PHF2: variants seen among roughly 807,000 people sequenced by gnomAD.
PHF2 encodes PHD finger protein 2, also known as lysine-specific demethylase PHF2.
PHF2 carries 27 observed loss-of-function variants against 120.5 expected under a neutral mutation model. The observed-to-expected ratio is 0.22, with a 90% CI of 0.17 to 0.31. The LOEUF is 0.31. Ranked by LOEUF, PHF2 falls within the 10% of genes least tolerant of loss-of-function variation. PHF2 has a pLI of 1.00. For missense variants in PHF2, 1,024 were observed against 1,434.8 expected (o/e 0.71, Z 4.63); for synonymous variants, 568 against 592.5 (o/e 0.96, Z 0.60).
intron 6 of PHF2, among the ~76,000 whole-genome samples, chr9:93,653,834 A>G (rs1297669171): frequency 6.6e-6 from 1 of 152,154 alleles, no homozygotes; most frequent in Non-Finnish European, 1.5e-5. Flanking sequence ...AGGAAACCCT[A>G]AGCTGTGGGC....
At chr9:93,662,329 TAATG>T (rs1445168481) in intron 12 of PHF2, among the ~76,000 whole-genome samples, 6 of 143,254 alleles carry the variant, frequency 4.2e-5, no homozygotes, top group Non-Finnish European at 7.6e-5. Context: ...GTGGATGAAT[TAATG>T]AATGAACAAA....
intron 3 of PHF2, among the ~76,000 whole-genome samples, chr9:93,637,791 A>G (rs73522271): frequency 0.021 from 3,197 of 152,146 alleles, 42 homozygotes; most frequent in Middle Eastern, 0.041. Flanking sequence ...ATATGCTTTT[A>G]TTGTTTTAGG....
intron 17 of PHF2, among the ~76,000 whole-genome samples, chr9:93,672,132 A>G (rs1311616868): frequency 6.1e-4 from 29 of 47,260 alleles, no homozygotes; most frequent in African/African-American, 9.6e-4. Context: ...GTGGGTGCGG[A>G]TGTAGGTACA....
chr9:93,608,402 T>G (rs1825580920), intron 1 of PHF2, among the ~76,000 whole-genome samples: 1 of 151,668 alleles, frequency 6.6e-6, no homozygotes, highest in Non-Finnish European at 1.5e-5. Context: ...TTGGTAGTTT[T>G]TTTTTTTTTT....
In PHF2 at chr9:93,675,026, G is replaced by A; in HGVS notation, c.2722+4G>A. On this transcript the variant is annotated splice_donor_region_variant and intron_variant, in intron 19 of 21. Coordinates refer to ENST00000359246, the MANE Select transcript of PHF2 (RefSeq NM_005392.4). The stretch of plus-strand genomic sequence containing the variant: ...GACGCTCCCTACAGCCCAACAGGTA[G>A]TGCTGGGACAGGGGTAGGGGGTCCA... 6.2e-7 allele frequency: 1 copy of A among 1,610,500 alleles called. No individual in the cohort carries two copies. The highest frequency in any genetic ancestry group is 8.5e-7 in the Non-Finnish European group (1 of 1,177,216).
At position 93,670,527 on chromosome 9, in the gene PHF2, G is replaced by T. The variant is rs184576574; in HGVS notation, c.2349-3058G>T. The stretch of plus-strand genomic sequence containing the variant: ...CCAGGTAGTTCTGGTGCACAGACAG[G>T]TGAGGGTCCTGGCTGCAGGGGGTTG... On this transcript the variant is annotated intron_variant, in intron 17 of 21. Coordinates refer to ENST00000359246, the MANE Select transcript of PHF2 (RefSeq NM_005392.4). Among the ~76,000 whole-genome samples, 344 of 152,348 alleles carry T rather than the reference G, an allele frequency of 2.3e-3. 1 individual carries two copies. Among genetic ancestry groups the T allele is most frequent in the African/African-American group, 7.8e-3 (326 of 41,570 alleles).
rs1826944276 is a variant in PHF2 at position 93,677,679 on chromosome 9, T to C, written c.*3T>C. On this transcript the variant is annotated 3_prime_UTR_variant, in exon 22 of 22. Transcript: ENST00000359246. This position sits in a 1 kb window ranked among gnomAD's most constrained non-coding sequence, Gnocchi z 4.4. ...GGAACGGGAAACTACTCCTTTAAGA[T>C]TTGGAAAGCCAGGATCCTTCTGCTC... The C allele has an allele frequency of 6.2e-7, 1 of 1,610,972 alleles. No individual in the cohort carries two copies. The highest frequency in any genetic ancestry group is 8.5e-7 in the Non-Finnish European group (1 of 1,177,534).
chr9:93,600,195 CAT>C (rs1825414257), intron 1 of PHF2, among the ~76,000 whole-genome samples: 2 of 148,346 alleles, frequency 1.3e-5, no homozygotes, highest in Admixed American at 1.4e-4. Flanking sequence ...AGCATATGTG[CAT>C]GTGTGTGTGG....
intron 10 of PHF2, 26 bp from the exon 11 acceptor site, chr9:93,659,485 T>C (rs751627896): frequency 1.9e-6 from 3 of 1,604,746 alleles, no homozygotes; most frequent in Non-Finnish European, 2.6e-6. Flanking sequence ...TGTCTGGTGC[T>C]GACCCTGGGT....
intron 1 of PHF2, among the ~76,000 whole-genome samples, chr9:93,592,078 C>T (rs908630526): frequency 1.3e-5 from 2 of 152,238 alleles, no homozygotes; most frequent in Admixed American, 6.5e-5. Flanking sequence ...TAACCAGGGA[C>T]ACCTTGGTCC....
intron 3 of PHF2, among the ~76,000 whole-genome samples, chr9:93,643,644 G>A (rs957943108): frequency 6.6e-6 from 1 of 152,156 alleles, no homozygotes; most frequent in Admixed American, 6.5e-5. Context: ...TTCCTGTCCT[G>A]TTAACTGCTC....
intron 14 of PHF2, among the ~76,000 whole-genome samples, chr9:93,664,425 A>T (rs1453264160): frequency 6.6e-6 from 1 of 152,170 alleles, no homozygotes; most frequent in Non-Finnish European, 1.5e-5. Context: ...TGCGTGGGAC[A>T]TGTCACCTGC....
At chr9:93,596,842 T>C (rs776152942) in intron 1 of PHF2, among the ~76,000 whole-genome samples, 26 of 151,460 alleles carry the variant, frequency 1.7e-4, no homozygotes, top group Non-Finnish European at 2.8e-4. Context: ...TACTGCAACC[T>C]CTGTCTCCTG....
chr9:93,627,301 C>T (rs961590905), intron 1 of PHF2, among the ~76,000 whole-genome samples: 1 of 152,084 alleles, frequency 6.6e-6, no homozygotes, highest in African/African-American at 2.4e-5. Flanking sequence ...TTATTCATTG[C>T]TAGTGTGTAG....
At chr9:93,583,651 A>G (rs924808748) in intron 1 of PHF2, among the ~76,000 whole-genome samples, 2 of 151,894 alleles carry the variant, frequency 1.3e-5, no homozygotes, top group Non-Finnish European at 1.5e-5. Context: ...GCATTTCTCT[A>G]CTGACCAATG....
At chr9:93,626,753 G>A (rs1428298787) in intron 1 of PHF2, among the ~76,000 whole-genome samples, 1 of 152,154 alleles carries the variant, frequency 6.6e-6, no homozygotes, top group Non-Finnish European at 1.5e-5. Context: ...GTTAATTTTT[G>A]TATGTGGTGT....
At chr9:93,658,059 A>T in intron 9 of PHF2, 86 bp from the exon 10 acceptor site, 1 of 845,782 alleles carries the variant, frequency 1.2e-6, no homozygotes, top group Non-Finnish European at 1.9e-6. Context: ...TGGACCTGGC[A>T]TCCCCCGGTC....
chr9:93,578,924 G>T (rs560761511), intron 1 of PHF2, among the ~76,000 whole-genome samples: 45 of 152,324 alleles, frequency 3.0e-4, no homozygotes, highest in African/African-American at 1.0e-3. Flanking sequence ...TGTGGGGTCT[G>T]AAAGAAGCTG....
In PHF2 at chr9:93,673,861, C is replaced by T. The variant is rs748425400; in HGVS notation, c.2625C>T (p.Tyr875=). The T allele has an allele frequency of 7.6e-6, 12 of 1,586,250 alleles. No individual in the cohort carries two copies. The highest frequency in any genetic ancestry group is 5.1e-5 in the Admixed American group (3 of 59,024). The part of the protein sequence containing the change: ...HLDACFKDSD[Y]VYPSLESDED... Reference sequence around the variant, plus strand: ...ATGCCTGCTTCAAGGACTCAGACTACGGTGAGTGTCACTCCTGCGTGGGGC... The same window carrying T: ...ATGCCTGCTTCAAGGACTCAGACTATGGTGAGTGTCACTCCTGCGTGGGGC... Residue 875 remains tyrosine, a splice_region_variant and synonymous_variant, in exon 18 of 22, where the codon TAC becomes TAT. Coordinates refer to ENST00000359246, the MANE Select transcript of PHF2 (RefSeq NM_005392.4).
Sources: gnomAD v4.1 joint callset for allele counts (sites outside exome capture counted in the v4.1 genomes callset) on GRCh38, gnomAD v4.1.1 for gene constraint, Gnocchi (gnomAD v3.1) non-coding constraint, MANE v1.5 for transcripts, NCBI Gene and HGNC (gene_info 2026-07-23, HGNC 2026-07-21) for gene names.